PLCB2: variants seen among roughly 807,000 people sequenced by gnomAD.
PLCB2 encodes phospholipase C beta 2, also known as 1-phosphatidylinositol 4,5-bisphosphate phosphodiesterase beta-2.
PLCB2 carries 115 observed loss-of-function variants against 141.7 expected under a neutral mutation model. That is an observed-to-expected ratio of 0.81 (90% CI 0.70 to 0.95). The LOEUF (loss-of-function observed/expected upper bound fraction) is 0.95, where lower values mean the gene tolerates loss of function less well. PLCB2 is among the 40% of genes least tolerant of loss of function. The pLI, the probability that PLCB2 is intolerant of heterozygous loss-of-function variation, is 0.00. For synonymous variants in PLCB2, 603 were observed against 595.6 expected, an observed-to-expected ratio of 1.01 and a Z score of -0.18; for missense variants, 1,403 against 1,541.1, an observed-to-expected ratio of 0.91 and a Z score of 1.50.
rs1293054332 is a variant in PLCB2 at position 40,290,049 on chromosome 15, C to A, written c.3243G>T (p.Gln1081His). Residue 1081 changes from glutamine (Q) to histidine (H), a missense_variant, in exon 30 of 32, where the codon CAG (glutamine) becomes CAT (histidine). Physicochemically the swap from Gln to His is conservative, Grantham distance 24. Around this residue, in one of 4 missense-constraint regions of PLCB2, gnomAD observed 132 missense variants for 132.4 expected, o/e 1.00. Transcript: ENST00000260402. Reference protein sequence around the residue: ...LKREINNSHIQEVVQVIKQMT... With the variant: ...LKREINNSHIHEVVQVIKQMT... ...CCTGCTTGATCACCTGCACTACTTC[C>A]TGGATGTGGGAGTTGTTAATCTCTC... 1.2e-6 allele frequency: 2 copies of A among 1,610,210 alleles called. No homozygotes were observed. Among genetic ancestry groups the A allele is most frequent in the Admixed American group, 3.3e-5 (2 of 59,884 alleles).
At chr15:40,290,976 C>T (rs918709934) in intron 27 of PLCB2, 42 bp downstream of exon 27, 1 of 1,213,842 alleles carries the variant, frequency 8.2e-7, no homozygotes, top group Non-Finnish European at 1.1e-6. Context: ...GGGGTGGGGT[C>T]GGTGGGGCTG....
At position 40,304,005 on chromosome 15, in the gene PLCB2, C is replaced by A. The variant is rs1389583304; in HGVS notation, c.158G>T (p.Ser53Ile). 2 of 1,584,384 alleles carry A rather than the reference C, an allele frequency of 1.3e-6. No homozygotes were observed. The highest frequency in any genetic ancestry group is 4.5e-5 in the East Asian group (2 of 44,148). ...KGYYLYWTYQ[S>I]KEMEFLDITS... is the part of the protein sequence containing the mutation. The stretch of plus-strand genomic sequence containing the variant: ...GGCACACAAGGGTTTTCTCACCTTA[C>A]TTTGATACGTCCAGTATAAGTAGTA... The change falls in exon 2 of 32, where the codon AGT (serine) becomes ATT (isoleucine). Residue 53 changes from serine (S) to isoleucine (I), a missense_variant. Ser to Ile is a moderately radical substitution (Grantham distance 142). Coordinates refer to ENST00000260402, the MANE Select transcript of PLCB2 (RefSeq NM_004573.3).
At chr15:40,301,556 C>G in intron 7 of PLCB2, 1 of 703,000 alleles carries the variant, frequency 1.4e-6, no homozygotes, top group Non-Finnish European at 2.6e-6. Context: ...TGCAGACTTC[C>G]AGATCCCTGC....
rs2040246422 is a variant in PLCB2, at chr15:40,296,802, G to A, written c.1430C>T (p.Thr477Ile). 6.2e-7 allele frequency: 1 copy of A among 1,613,968 alleles called. No homozygotes were observed. Among genetic ancestry groups the A allele is most frequent in the Non-Finnish European group, 8.5e-7 (1 of 1,179,982 alleles). Residue 477 changes from threonine (T) to isoleucine (I), a missense_variant, in exon 14 of 32, where the codon ACT becomes ATT. Physicochemically the swap from Thr to Ile is moderately conservative, Grantham distance 89. Around this residue, in one of 4 missense-constraint regions of PLCB2, gnomAD observed 975 missense variants for 1,141.1 expected, o/e 0.85. Transcript: ENST00000260402. ...GCTGCTGCCCTCAGCCTCCCCACCAGTATCCTTACTGGAGGAGGTGGGGCC... is the reference window on the plus strand; with the variant it reads ...GCTGCTGCCCTCAGCCTCCCCACCAATATCCTTACTGGAGGAGGTGGGGCC... Reference protein sequence around the residue: ...FSGPTSSSKDTGGEAEGSSPP... With the variant: ...FSGPTSSSKDIGGEAEGSSPP...
rs778088546 is a variant in PLCB2, at chr15:40,294,371, G to T, written c.1956C>A (p.Ser652Arg). Residue 652 changes from serine (S) to arginine (R), a missense_variant, in exon 19 of 32, where the codon AGC becomes AGA. This residue lies in a region of PLCB2 where 975 missense variants were observed against 1,141.1 expected (regional missense o/e 0.85). Coordinates refer to ENST00000260402, the MANE Select transcript of PLCB2 (RefSeq NM_004573.3). ...NMAVFEFNGQSGYLLKHEFMR... is the reference protein window; with the variant it reads ...NMAVFEFNGQRGYLLKHEFMR... ...TGAACTCATGCTTGAGGAGGTAGCC[G>T]CTCTGCCCGTTGAACTCAAATACTG... The T allele has an allele frequency of 1.2e-6, 2 of 1,614,116 alleles. No homozygotes were observed. The highest frequency in any genetic ancestry group is 1.1e-5 in the South Asian group (1 of 91,080).
chr15:40,303,283 C>T lies in PLCB2; in HGVS notation c.231+5G>A, dbSNP rs763864720. ...TGAGCCTGGGCTGCTACTGGACACACCTACCTTGGGCATCTTGGCAAACTT... is the reference window on the plus strand; with the variant it reads ...TGAGCCTGGGCTGCTACTGGACACATCTACCTTGGGCATCTTGGCAAACTT... On this transcript the variant is annotated splice_donor_5th_base_variant and intron_variant, in intron 3 of 31. Coordinates refer to ENST00000260402, the MANE Select transcript of PLCB2 (RefSeq NM_004573.3). 1 of 1,608,902 alleles carries T rather than the reference C, an allele frequency of 6.2e-7. No homozygotes were observed. Among genetic ancestry groups the T allele is most frequent in the East Asian group, 2.2e-5 (1 of 44,870 alleles).
chr15:40,284,757 T>C (rs1298300327), downstream of PLCB2, among the ~76,000 whole-genome samples: 5 of 142,196 alleles, frequency 3.5e-5, no homozygotes, highest in Admixed American at 3.9e-4. Context: ...GGAGAATTGC[T>C]TGAACCTGGG....
chr15:40,285,721 T>C (rs530693339), downstream of PLCB2: 42 of 985,424 alleles, frequency 4.3e-5, no homozygotes, highest in African/African-American at 7.1e-4. Flanking sequence ...CTTTCTTCCC[T>C]TCTATTTCCA....
rs781249451 is a variant in PLCB2 at position 40,296,321 on chromosome 15, C to T, written c.1671G>A (p.Lys557=). The part of the protein sequence containing the change: ...SSLVNYIQPT[K]FVSFEFSAQK... ...GGGCAGAGAACTCAAAGGAGACGAA[C>T]TTGGTGGGCTGGATGTAATTGACTA... The change falls in exon 16 of 32, where the codon AAG becomes AAA. Residue 557 remains lysine, a synonymous_variant. Transcript: ENST00000260402. 8 of 1,613,582 alleles carry T rather than the reference C, an allele frequency of 5.0e-6. No homozygotes were observed. The South Asian group carries it at 8.8e-5, about 18-fold the overall frequency.
rs752259567 is a variant in PLCB2, at chr15:40,291,176, G to GCAGGCTCCTGGGGAGGCCACGTGGGGA, written c.2871-20_2877dup (p.Leu959_Pro960insSerProArgGlyLeuProArgSerLeu). ...GCGGCTCCGGCGCTCTCCTCGCGGG[G>GCAGGCTCCTGGGGAGGCCACGTGGGGA]CAGGCTCCTGGGGAGGCCACGTGGG... On this transcript the variant is annotated inframe_insertion, in exon 27 of 32. Transcript: ENST00000260402. 2 of 1,571,118 alleles carry GCAGGCTCCTGGGGAGGCCACGTGGGGA rather than the reference G, an allele frequency of 1.3e-6. No individual in the cohort carries two copies. The highest frequency in any genetic ancestry group is 4.6e-5 in the East Asian group (2 of 43,450).
chr15:40,291,912 G>A lies in PLCB2; in HGVS notation c.2539C>T (p.Leu847=). 1 of 1,614,196 alleles carries A rather than the reference G, an allele frequency of 6.2e-7. No homozygotes were observed. The highest frequency in any genetic ancestry group is 8.5e-7 in the Non-Finnish European group (1 of 1,180,024). ...MGGLPEKPFP[L]ASPVASQVNG... ...ACCTGGCTGGCAACTGGACTCGCCA[G>A]TGGGAAGGGCTTCTGTGTAGGGAGA... is the stretch of plus-strand genomic sequence containing the variant. Residue 847 remains leucine, a synonymous_variant, in exon 24 of 32, where the codon CTG becomes TTG. Coordinates refer to ENST00000260402, the MANE Select transcript of PLCB2 (RefSeq NM_004573.3).
intron 10 of PLCB2, 76 bp downstream of exon 10, chr15:40,298,486 A>G (rs987388978): frequency 5.0e-6 from 8 of 1,605,004 alleles, no homozygotes; most frequent in Non-Finnish European, 6.8e-6. Context: ...GGCCAGCAGC[A>G]TGTGGGCAAC....
At chr15:40,291,800 G>T in intron 24 of PLCB2, 49 bp downstream of exon 24, 1 of 1,613,262 alleles carries the variant, frequency 6.2e-7, no homozygotes. Context: ...GTGCCTGTGG[G>T]TGCAGAGGTG....
Position 40,298,341 on chromosome 15 carries a change from C to T in PLCB2, c.1037G>A (p.Arg346His), listed in dbSNP as rs1193739585. ...FSGLSSAEMY[R>H]QVLLSGCRCV... ...ACGGCAGCCAGAGAGCAGCACCTGG[C>T]GGTACATCTCAGCCGAGGAGAGGCC... The change falls in exon 11 of 32, where the codon CGC becomes CAC. Residue 346 changes from arginine to histidine, a missense_variant. Physicochemically the swap from Arg to His is conservative, Grantham distance 29. Coordinates refer to ENST00000260402, the MANE Select transcript of PLCB2 (RefSeq NM_004573.3). 52 of 1,602,112 alleles carry T rather than the reference C, an allele frequency of 3.2e-5. No homozygotes were observed. The highest frequency in any genetic ancestry group is 3.9e-5 in the Non-Finnish European group (46 of 1,172,506).
intron 7 of PLCB2, chr15:40,301,406 T>A (rs982618593): frequency 1.6e-6 from 1 of 607,886 alleles, no homozygotes; most frequent in Non-Finnish European, 2.9e-6. Flanking sequence ...AGTTGCTTCA[T>A]GGGGTGACCC....
Position 40,294,949 on chromosome 15 carries a change from G to A in PLCB2, c.1893C>T (p.Asn631=). The change falls in exon 18 of 32, where the codon AAC becomes AAT. Residue 631 remains asparagine (N), a synonymous_variant. Coordinates refer to ENST00000260402, the MANE Select transcript of PLCB2 (RefSeq NM_004573.3). ...WNAGCQMVAL[N]FQTMDLPMQQ... is the part of the protein sequence containing the mutation. ...GAATGCCCTCACCCATCGTCTGGAA[G>A]TTGAGGGCAACCATCTGGCATCCAG... 1 of 1,614,134 alleles carries A rather than the reference G, an allele frequency of 6.2e-7. No individual in the cohort carries two copies. Among genetic ancestry groups the A allele is most frequent in the Non-Finnish European group, 8.5e-7 (1 of 1,179,986 alleles).
chr15:40,288,916 G>A lies in PLCB2; in HGVS notation c.3357C>T (p.Phe1119=). 6.2e-7 allele frequency: 1 copy of A among 1,612,494 alleles called. No homozygotes were observed. The highest frequency in any genetic ancestry group is 1.1e-5 in the South Asian group (1 of 91,044). Residue 1119 remains phenylalanine, a splice_region_variant and synonymous_variant, in exon 32 of 32, where the codon TTC becomes TTT. Transcript: ENST00000260402. ...LEQIREMEKQ[F]QKEALAEYEA... ...CGTACTCTGCCAGCGCCTCCTTCTG[G>A]AACTGTGGAGACAGCAAGGACCCCT...
chr15:40,291,392 G>A lies in PLCB2; in HGVS notation c.2743C>T (p.Arg915Cys). 6.5e-7 allele frequency: 1 copy of A among 1,534,444 alleles called. No homozygotes were observed. Among genetic ancestry groups the A allele is most frequent in the South Asian group, 1.2e-5 (1 of 84,012 alleles). ...HEKELRELERRGARRWEELLQ... is the reference protein window; with the variant it reads ...HEKELRELERCGARRWEELLQ... Reference sequence around the variant, plus strand: ...AGCTCCTCCCAGCGCCGCGCTCCGCGCCGCTCCAACTCTCGCAGCTCCTTC... The same window carrying A: ...AGCTCCTCCCAGCGCCGCGCTCCGCACCGCTCCAACTCTCGCAGCTCCTTC... The change falls in exon 26 of 32, where the codon CGC (arginine) becomes TGC (cysteine). Residue 915 changes from arginine (R) to cysteine (C), a missense_variant. Transcript: ENST00000260402.
In PLCB2 at chr15:40,296,340, T is replaced by A. The variant is rs376098838; in HGVS notation, c.1652A>T (p.Asn551Ile). 8 of 1,613,638 alleles carry A rather than the reference T, an allele frequency of 5.0e-6. No homozygotes were observed. Among genetic ancestry groups the A allele is most frequent in the African/African-American group, 2.7e-5 (2 of 74,876 alleles). ...GACGAACTTGGTGGGCTGGATGTAA[T>A]TGACTAGGCTGGACATCTCCTCATA... ...TAYEEMSSLV[N>I]YIQPTKFVSF... Residue 551 changes from asparagine (N) to isoleucine (I), a missense_variant, in exon 16 of 32, where the codon AAT becomes ATT. Transcript: ENST00000260402.
Sources: allele counts gnomAD v4.1 joint callset (sites outside exome capture counted in the v4.1 genomes callset), GRCh38; gene constraint gnomAD v4.1.1; regional missense constraint gnomAD v4.1.1; transcripts MANE v1.5; gene names NCBI Gene and HGNC (gene_info 2026-07-23, HGNC 2026-07-21).